RHOF: variants seen among roughly 807,000 people sequenced by gnomAD.
The protein encoded by RHOF is ras homolog family member F, filopodia associated, also known as rho-related GTP-binding protein RhoF.
Under a neutral mutation model 22.2 loss-of-function variants are expected in RHOF, and 21 were observed. The ratio of observed to expected loss-of-function variants is 0.95; its 90% CI spans 0.67 to 1.36. The LOEUF is 1.36. Ranked by LOEUF, RHOF falls within the 40% of genes most tolerant of loss-of-function variation. RHOF has a pLI of 0.00. For missense variants in RHOF, 285 were observed against 293.7 expected (o/e 0.97, Z 0.22); for synonymous variants, 135 against 131.2 (o/e 1.03, Z -0.20).
At chr12:121,781,545 C>T in intron 2 of RHOF, 1 of 270,992 alleles carries the variant, frequency 3.7e-6, no homozygotes, top group South Asian at 3.9e-5. Flanking sequence ...CAAACCCACG[C>T]AGTGCTGAGA....
chr12:121,781,571 A>G (rs1284859267), intron 2 of RHOF: 4 of 229,790 alleles, frequency 1.7e-5, no homozygotes, highest in African/African-American at 4.5e-5. Context: ...GCCTGATTCT[A>G]GGGCTGGGGC....
chr12:121,793,243 C>T lies in RHOF; in HGVS notation c.139-4G>A, dbSNP rs753156820. The T allele has an allele frequency of 1.3e-6, 2 of 1,550,748 alleles. No homozygotes were observed. The highest frequency in any genetic ancestry group is 2.4e-5 in the South Asian group (2 of 84,066). ...CGAACACCGATGGGGCGTAGTGCTG[C>T]GGGAGAGGGGGTCGGGTTGGTCCTT... On this transcript the variant is annotated splice_region_variant and splice_polypyrimidine_tract_variant and intron_variant, in intron 1 of 4. Transcript: ENST00000267205.
At position 121,779,396 on chromosome 12, in the gene RHOF, C is replaced by T; in HGVS notation, c.*102G>A. ...CAAGAGTCTAGCCGCAGGCCCCAGACACCATGAGCTGGAGGGTCGGGATGG... is the reference window on the plus strand; with the variant it reads ...CAAGAGTCTAGCCGCAGGCCCCAGATACCATGAGCTGGAGGGTCGGGATGG... On this transcript the variant is annotated 3_prime_UTR_variant, in exon 5 of 5. Transcript: ENST00000267205. 7.8e-7 allele frequency: 1 copy of T among 1,282,042 alleles called. No homozygotes were observed. The highest frequency in any genetic ancestry group is 2.6e-4 in the Middle Eastern group (1 of 3,918). The allele number at this position is 1,282,042 out of a possible 1,614,324, so 79.4% of individuals were successfully genotyped here. A position where few individuals can be genotyped will look rare whatever the true frequency, so the allele number is the denominator to read the frequency against.
At chr12:121,792,800 C>T (rs1240069095) in intron 2 of RHOF, among the ~76,000 whole-genome samples, 1 of 152,248 alleles carries the variant, frequency 6.6e-6, no homozygotes, top group Non-Finnish European at 1.5e-5. Flanking sequence ...CTGCAGCTCA[C>T]AGAGTCTGCA....
chr12:121,780,815 A>G (rs774840960), intron 4 of RHOF, 57 bp downstream of exon 4: 1 of 1,558,288 alleles, frequency 6.4e-7, no homozygotes, highest in East Asian at 2.3e-5. Flanking sequence ...GCAGAGGCCA[A>G]AGGTCCGGGA....
Position 121,779,125 on chromosome 12 carries a change from C to T in RHOF, c.*373G>A, listed in dbSNP as rs953336586. The T allele has an allele frequency of 1.5e-5, 3 of 204,290 alleles. No individual in the cohort carries two copies. Among genetic ancestry groups the T allele is most frequent in the East Asian group, 1.1e-4 (1 of 8,866 alleles). 12.7% of individuals were successfully genotyped at this position (204,290 alleles called of 1,614,324 possible). ...GGACACAGGAGTGGCAGGCTTGGGG[C>T]GCCCGCGTGGAACAGTGCCAGGTCT... On this transcript the variant is annotated 3_prime_UTR_variant, in exon 5 of 5. Coordinates refer to ENST00000267205, the MANE Select transcript of RHOF (RefSeq NM_019034.3).
chr12:121,779,066 C>T lies in RHOF; in HGVS notation c.*432G>A. 1 of 175,928 alleles carries T rather than the reference C, an allele frequency of 5.7e-6. No individual in the cohort carries two copies. The highest frequency in any genetic ancestry group is 1.2e-5 in the Non-Finnish European group (1 of 81,164). The allele number at this position is 175,928 out of a possible 1,614,324, so 10.9% of individuals were successfully genotyped here. On this transcript the variant is annotated 3_prime_UTR_variant, in exon 5 of 5. Coordinates refer to ENST00000267205, the MANE Select transcript of RHOF (RefSeq NM_019034.3). ...GAAGGAAGGAAGGAGCTGGAGGATA[C>T]AGTGGTGCCTATCTCGGGAGCCCAG...
At chr12:121,791,959 G>A (rs752784533) in intron 2 of RHOF, among the ~76,000 whole-genome samples, 5 of 152,220 alleles carry the variant, frequency 3.3e-5, no homozygotes, top group Non-Finnish European at 2.9e-5. Context: ...GCCACGCCCC[G>A]GGAATTCCTC....
At chr12:121,792,834 A>T (rs1485894356) in intron 2 of RHOF, among the ~76,000 whole-genome samples, 1 of 152,242 alleles carries the variant, frequency 6.6e-6, no homozygotes, top group Non-Finnish European at 1.5e-5. Context: ...GTAGCGCAGC[A>T]ATCCTGGAAC....
At position 121,779,537 on chromosome 12, in the gene RHOF, C is replaced by A; in HGVS notation, c.597G>T (p.Ala199=). The A allele has an allele frequency of 2.5e-6, 4 of 1,613,022 alleles. No homozygotes were observed. Among genetic ancestry groups the A allele is most frequent in the Admixed American group, 1.7e-5 (1 of 60,022 alleles). ...AGAGCCGGCGCTTCTTCTGCCGTTGCGCCTTCTTCAGAGCGCTGAGAGCCA... is the reference window on the plus strand; with the variant it reads ...AGAGCCGGCGCTTCTTCTGCCGTTGAGCCTTCTTCAGAGCGCTGAGAGCCA... ...AKVALSALKK[A]QRQKKRRLCL... Residue 199 remains alanine (A), a synonymous_variant, in exon 5 of 5, where the codon GCG becomes GCT. Coordinates refer to ENST00000267205, the MANE Select transcript of RHOF (RefSeq NM_019034.3).
chr12:121,790,212 C>T (rs910495536), intron 2 of RHOF, among the ~76,000 whole-genome samples: 5 of 152,254 alleles, frequency 3.3e-5, no homozygotes, highest in African/African-American at 1.2e-4. Context: ...CCAGGACCAG[C>T]GTTTGGTCCT....
Position 121,781,543 on chromosome 12 carries a change from C to T in RHOF, c.227-351G>A, listed in dbSNP as rs181258739. ...TAAAGAATCCTCAAGATCAAACCCACGCAGTGCTGAGAGCTTGGCCTGATT... is the reference window on the plus strand; with the variant it reads ...TAAAGAATCCTCAAGATCAAACCCATGCAGTGCTGAGAGCTTGGCCTGATT... On this transcript the variant is annotated intron_variant, in intron 2 of 4. Transcript: ENST00000267205. The T allele has an allele frequency of 6.2e-5, 17 of 272,636 alleles. 1 individual carries two copies. The highest frequency in any genetic ancestry group is 1.5e-4 in the Admixed American group (3 of 20,262). The allele number at this position is 272,636 out of a possible 1,614,324, so 16.9% of individuals were successfully genotyped here. A position where few individuals can be genotyped will look rare whatever the true frequency, so the allele number is the denominator to read the frequency against.
intron 1 of RHOF, 114 bp downstream of exon 1, chr12:121,793,382 C>G (rs1874816565): frequency 2.1e-6 from 3 of 1,461,208 alleles, no homozygotes; most frequent in Non-Finnish European, 2.8e-6. Flanking sequence ...AGGGGGCGCC[C>G]CGGGGTGGCG....
rs1055682324 is a variant in RHOF at position 121,779,916 on chromosome 12, G to A, written c.472-254C>T. On this transcript the variant is annotated intron_variant, in intron 4 of 4. Transcript: ENST00000267205. ...CTCTCTCCAGCTCCGGGCAGGGAGG[G>A]GCTGAATCCTGAGACCCGGGGTTGG... 6 of 473,152 alleles carry A rather than the reference G, an allele frequency of 1.3e-5. No individual in the cohort carries two copies. The Admixed American group carries it at 1.7e-4, about 13-fold the overall frequency. 29.3% of individuals were successfully genotyped at this position (473,152 alleles called of 1,614,324 possible).
chr12:121,791,786 G>GA (rs1363148932), intron 2 of RHOF, among the ~76,000 whole-genome samples: 2 of 152,194 alleles, frequency 1.3e-5, no homozygotes, highest in African/African-American at 2.4e-5. Flanking sequence ...GAGGAGGAAA[G>GA]AAAAAACCTC....
chr12:121,793,603 CG>C lies in RHOF; in HGVS notation c.30del (p.Ala11ProfsTer10). ...TCCTTCCTGCCCGGACCGGGGGCGGCGGTCTGGGCCAGGGCCCCGGGGGCAT... is the reference window on the plus strand; with the variant it reads ...TCCTTCCTGCCCGGACCGGGGGCGGCGTCTGGGCCAGGGCCCCGGGGGCAT... Reference protein sequence around the residue: MDAPGALAQTAAPGPGRKEL... With the variant: MDAPGALAQXAAPGPGRKEL... On this transcript the variant is annotated frameshift_variant, in exon 1 of 5. Transcript: ENST00000267205. LOFTEE classifies it high-confidence loss of function. 3 of 1,550,658 alleles carry C rather than the reference CG, an allele frequency of 1.9e-6. No individual in the cohort carries two copies. The highest frequency in any genetic ancestry group is 2.6e-6 in the Non-Finnish European group (3 of 1,153,542).
rs1265671645 is a variant in RHOF, at chr12:121,778,540, A to C, written c.*958T>G. On this transcript the variant is annotated 3_prime_UTR_variant, in exon 5 of 5. Coordinates refer to ENST00000267205, the MANE Select transcript of RHOF (RefSeq NM_019034.3). ...GATTAGGTATCTGGCTGTTGGTGAC[A>C]CAGGTGGTCTATGAACCAGTTCTGA... 6.6e-6 allele frequency: 1 copy of C among 151,794 alleles called. No individual in the cohort carries two copies. The highest frequency in any genetic ancestry group is 2.4e-5 in the African/African-American group (1 of 41,254). The allele number at this position is 151,794 out of a possible 1,614,324, so 9.4% of individuals were successfully genotyped here.
Position 121,793,253 on chromosome 12 carries a change from G to A in RHOF, c.139-14C>T. On this transcript the variant is annotated splice_polypyrimidine_tract_variant and intron_variant, in intron 1 of 4. Coordinates refer to ENST00000267205, the MANE Select transcript of RHOF (RefSeq NM_019034.3). ...TGGGGCGTAGTGCTGCGGGAGAGGG[G>A]GTCGGGTTGGTCCTTAGTGGGGCCG... is the stretch of plus-strand genomic sequence containing the variant. 6.5e-7 allele frequency: 1 copy of A among 1,549,966 alleles called. No individual in the cohort carries two copies. Among genetic ancestry groups the A allele is most frequent in the Non-Finnish European group, 8.7e-7 (1 of 1,146,118 alleles).
Position 121,779,448 on chromosome 12 carries a change from CTG to C in RHOF, c.*48_*49del, listed in dbSNP as rs754132321. ...GCAGCCTCCCTGGTGCAATCGGCAC[CTG>C]GGCCCCCGGGCCCTGTCAGTGCTGT... is the stretch of plus-strand genomic sequence containing the variant. On this transcript the variant is annotated 3_prime_UTR_variant, in exon 5 of 5. Transcript: ENST00000267205. 2.6e-5 allele frequency: 41 copies of C among 1,593,500 alleles called. No individual in the cohort carries two copies. Among genetic ancestry groups the C allele is most frequent in the Non-Finnish European group, 3.2e-5 (38 of 1,172,518 alleles).
Sources: gnomAD v4.1 joint callset for allele counts (sites outside exome capture counted in the v4.1 genomes callset) on GRCh38, gnomAD v4.1.1 for gene constraint, MANE v1.5 for transcripts, NCBI Gene and HGNC (gene_info 2026-07-23, HGNC 2026-07-21) for gene names.